The following HOMER1 variants were observed in gnomAD, a reference collection of about 807,000 sequenced individuals.
The protein encoded by HOMER1 is homer protein homolog 1.
In HOMER1, 3 loss-of-function variants were observed where a neutral mutation model predicts 48.9. That is an observed-to-expected ratio of 0.06 (90% CI 0.03 to 0.16). The LOEUF (loss-of-function observed/expected upper bound fraction) is 0.16, where lower values mean the gene tolerates loss of function less well. Ranked by LOEUF, HOMER1 falls within the 10% of genes least tolerant of loss-of-function variation. HOMER1 has a pLI of 1.00. For synonymous variants in HOMER1, 134 were observed against 146.4 expected, an observed-to-expected ratio of 0.92 and a Z score of 0.61; for missense variants, 247 against 411.4, an observed-to-expected ratio of 0.60 and a Z score of 3.46.
chr5:79,473,943 T>G (rs1751688169), intron 1 of HOMER1, among the ~76,000 whole-genome samples: 1 of 152,156 alleles, frequency 6.6e-6, no homozygotes, highest in African/African-American at 2.4e-5. Flanking sequence ...ATATCCTAAA[T>G]GTATTTACTC....
chr5:79,433,429 G>A (rs1048493656), intron 5 of HOMER1, among the ~76,000 whole-genome samples: 1 of 152,004 alleles, frequency 6.6e-6, no homozygotes, highest in African/African-American at 2.4e-5. Flanking sequence ...TTAGCCAGTC[G>A]TGGTGATGTA....
At chr5:79,388,524 G>A (rs530785731) in intron 8 of HOMER1, among the ~76,000 whole-genome samples, 23 of 152,092 alleles carry the variant, frequency 1.5e-4, no homozygotes, top group African/African-American at 5.5e-4. Context: ...TGAATCAGAA[G>A]AAAACTCTAA....
At chr5:79,431,197 C>G (rs547602562) in intron 5 of HOMER1, among the ~76,000 whole-genome samples, 35 of 152,146 alleles carry the variant, frequency 2.3e-4, no homozygotes, top group African/African-American at 8.2e-4. Context: ...GTGGTGTGCT[C>G]CTGTAATCCC....
chr5:79,445,723 T>C (rs933071695), intron 4 of HOMER1, among the ~76,000 whole-genome samples: 3 of 152,144 alleles, frequency 2.0e-5, no homozygotes, highest in African/African-American at 7.2e-5. Context: ...GAGACCAGCC[T>C]GGCCAACATG....
intron 5 of HOMER1, among the ~76,000 whole-genome samples, chr5:79,422,929 T>C (rs1750142904): frequency 6.6e-6 from 1 of 151,522 alleles, no homozygotes; most frequent in Admixed American, 6.6e-5. Context: ...ATGACCTTTC[T>C]CTCATTTGTT....
At chr5:79,400,084 A>AT (rs1287849682) in intron 6 of HOMER1, among the ~76,000 whole-genome samples, 4 of 9,250 alleles carry the variant, frequency 4.3e-4, no homozygotes, top group East Asian at 0.045. Flanking sequence ...AATTGTCATA[A>AT]ATTTTTTTTT....
At position 79,397,594 on chromosome 5, in the gene HOMER1, T is replaced by C. The variant is rs1445810720; in HGVS notation, c.728A>G (p.His243Arg). The C allele has an allele frequency of 1.9e-6, 3 of 1,610,566 alleles. No homozygotes were observed. Among genetic ancestry groups the C allele is most frequent in the Admixed American group, 1.7e-5 (1 of 59,464 alleles). The change falls in exon 7 of 9, where the codon CAT (histidine) becomes CGT (arginine). Residue 243 changes from histidine (H) to arginine (R), a missense_variant. Physicochemically the swap from His to Arg is conservative, Grantham distance 29. Coordinates refer to ENST00000334082, the MANE Select transcript of HOMER1 (RefSeq NM_004272.5). ...CTGATTTAATTCTGTCTTATGAGTA[T>C]GTACTGCATTTGCTTGGCTACTAAC... is the stretch of plus-strand genomic sequence containing the variant. ...ECVSSQANAVHTHKTELNQTI... is the reference protein window; with the variant it reads ...ECVSSQANAVRTHKTELNQTI...
intron 8 of HOMER1, among the ~76,000 whole-genome samples, chr5:79,384,744 C>T (rs913568336): frequency 2.6e-5 from 4 of 151,920 alleles, no homozygotes; most frequent in African/African-American, 9.7e-5. Context: ...TGTAAAAATC[C>T]TCAACAAAAT....
intron 6 of HOMER1, among the ~76,000 whole-genome samples, chr5:79,398,672 C>T (rs778796108): frequency 1.8e-4 from 27 of 152,134 alleles, no homozygotes; most frequent in Non-Finnish European, 2.9e-4. Context: ...CATTCAAAGA[C>T]TTTCAGCAGC....
intron 4 of HOMER1, among the ~76,000 whole-genome samples, chr5:79,442,443 T>C (rs1363130942): frequency 6.6e-6 from 1 of 152,222 alleles, no homozygotes; most frequent in Non-Finnish European, 1.5e-5. Flanking sequence ...GGAAAAAAGT[T>C]GACCTTGACC....
At chr5:79,498,974 T>C (rs1361125579) in intron 1 of HOMER1, among the ~76,000 whole-genome samples, 1 of 152,028 alleles carries the variant, frequency 6.6e-6, no homozygotes, top group South Asian at 2.1e-4. Context: ...TAGCTGGGAC[T>C]ACAGGCGCAT....
rs569706816 is a variant in HOMER1, at chr5:79,439,254, C to A, written c.388-105G>T. 5.9e-5 allele frequency: 55 copies of A among 926,654 alleles called. No homozygotes were observed. In the African/African-American group the frequency reaches 8.5e-4, roughly 14 times the overall value. The allele number at this position is 926,654 out of a possible 1,614,324, so 57.4% of individuals were successfully genotyped here. A position where few individuals can be genotyped will look rare whatever the true frequency, so the allele number is the denominator to read the frequency against. Reference sequence around the variant, plus strand: ...CTTTGATGTATGCTTACTGATGAACCAAATTTCAACTGAAATTTGAGTCAA... The same window carrying A: ...CTTTGATGTATGCTTACTGATGAACAAAATTTCAACTGAAATTTGAGTCAA... On this transcript the variant is annotated intron_variant, in intron 4 of 8. Transcript: ENST00000334082.
chr5:79,505,861 G>T (rs1228626152), intron 1 of HOMER1, among the ~76,000 whole-genome samples: 2 of 152,108 alleles, frequency 1.3e-5, no homozygotes, highest in African/African-American at 4.8e-5. Flanking sequence ...ACATAAATAA[G>T]GGTAAATAAG....
chr5:79,485,691 G>C (rs1223919074), intron 1 of HOMER1, among the ~76,000 whole-genome samples: 1 of 152,202 alleles, frequency 6.6e-6, no homozygotes, highest in Non-Finnish European at 1.5e-5. Context: ...ATGAGAAAGA[G>C]AGCAAACAAA....
intron 1 of HOMER1, among the ~76,000 whole-genome samples, chr5:79,485,120 C>A (rs1365120992): frequency 7.9e-6 from 1 of 127,378 alleles, no homozygotes; most frequent in African/African-American, 3.3e-5. Context: ...AACAAAAACA[C>A]TAGTACTGAG....
intron 5 of HOMER1, among the ~76,000 whole-genome samples, chr5:79,418,619 T>A (rs145572881): frequency 6.6e-6 from 1 of 152,224 alleles, no homozygotes; most frequent in African/African-American, 2.4e-5. Context: ...TTGTATGACA[T>A]TGTCATGTAT....
chr5:79,376,081 T>A lies in HOMER1; in HGVS notation c.993A>T (p.Glu331Asp). The A allele has an allele frequency of 6.2e-7, 1 of 1,613,806 alleles. No homozygotes were observed. The highest frequency in any genetic ancestry group is 8.5e-7 in the Non-Finnish European group (1 of 1,179,806). The change falls in exon 9 of 9, where the codon GAA (glutamate) becomes GAT (aspartate). Residue 331 changes from glutamate to aspartate, a missense_variant. Physicochemically the swap from Glu to Asp is conservative, Grantham distance 45. Coordinates refer to ENST00000334082, the MANE Select transcript of HOMER1 (RefSeq NM_004272.5). ...AFRNNLKTLL[E>D]ILDGKIFELT... Reference sequence around the variant, plus strand: ...GTTCAAATATCTTTCCATCCAGAATTTCTAAGAGTGTCTTCAGGTTATTGC... The same window carrying A: ...GTTCAAATATCTTTCCATCCAGAATATCTAAGAGTGTCTTCAGGTTATTGC...
intron 2 of HOMER1, among the ~76,000 whole-genome samples, chr5:79,452,634 C>G (rs1162152420): frequency 6.6e-6 from 1 of 152,020 alleles, no homozygotes; most frequent in Non-Finnish European, 1.5e-5. Flanking sequence ...TATTTAAGAG[C>G]TATGCAGGTA....
Position 79,373,222 on chromosome 5 carries a change from A to G in HOMER1, c.*2787T>C, listed in dbSNP as rs1348897299. The G allele has an allele frequency of 1.3e-5, 2 of 152,148 alleles. No individual in the cohort carries two copies. Among genetic ancestry groups the G allele is most frequent in the Admixed American group, 6.6e-5 (1 of 15,264 alleles). 9.4% of individuals were successfully genotyped at this position (152,148 alleles called of 1,614,324 possible). On this transcript the variant is annotated 3_prime_UTR_variant, in exon 9 of 9. Transcript: ENST00000334082. ...ATTTAAATGCTTTTAAATATCTGTA[A>G]AAGACTGGAGGAAAAAAAGATAAAG...
Sources: allele counts gnomAD v4.1 joint callset (sites outside exome capture counted in the v4.1 genomes callset), GRCh38; gene constraint gnomAD v4.1.1; transcripts MANE v1.5; gene names NCBI Gene and HGNC (gene_info 2026-07-23, HGNC 2026-07-21).